Variants in PTPN9 observed in about 807,000 individuals in gnomAD.
PTPN9 encodes tyrosine-protein phosphatase non-receptor type 9.
Under a neutral mutation model 69.8 loss-of-function variants are expected in PTPN9, and 26 were observed. The ratio of observed to expected loss-of-function variants is 0.37; its 90% CI spans 0.27 to 0.52. PTPN9 has a LOEUF of 0.52. Among genes scored for constraint, PTPN9 ranks in the 20% least tolerant of loss-of-function variants. PTPN9 has a pLI of 0.91. For synonymous variants in PTPN9, 274 were observed against 272.5 expected, an observed-to-expected ratio of 1.01 and a Z score of -0.05; for missense variants, 549 against 740.3, an observed-to-expected ratio of 0.74 and a Z score of 3.00.
At chr15:75,515,295 G>A (rs970546032) in intron 5 of PTPN9, among the ~76,000 whole-genome samples, 3 of 151,974 alleles carry the variant, frequency 2.0e-5, no homozygotes, top group Non-Finnish European at 4.4e-5. Flanking sequence ...GGGCGTGGTG[G>A]TGGGCGCCGT....
chr15:75,492,120 G>A (rs1208181684), intron 7 of PTPN9, among the ~76,000 whole-genome samples: 2 of 152,046 alleles, frequency 1.3e-5, no homozygotes, highest in Non-Finnish European at 2.9e-5. Context: ...CAATCCTCCC[G>A]CCTCAGCCTC....
intron 1 of PTPN9, among the ~76,000 whole-genome samples, chr15:75,554,298 G>A (rs1331311234): frequency 1.1e-4 from 16 of 151,912 alleles, no homozygotes; most frequent in Admixed American, 3.3e-4. Flanking sequence ...GGGTTCAAGC[G>A]ATTCTTCTGT....
chr15:75,540,961 C>T (rs967061319), intron 1 of PTPN9, among the ~76,000 whole-genome samples: 1 of 151,698 alleles, frequency 6.6e-6, no homozygotes, highest in Non-Finnish European at 1.5e-5. Flanking sequence ...CACCTGTAGT[C>T]CCAGGTACTC....
chr15:75,527,328 C>G lies in PTPN9; in HGVS notation c.64-67G>C, dbSNP rs1165606397. 5 of 1,557,974 alleles carry G rather than the reference C, an allele frequency of 3.2e-6. No homozygotes were observed. The African/African-American group carries it at 5.4e-5, about 17-fold the overall frequency. On this transcript the variant is annotated intron_variant, in intron 1 of 12. Coordinates refer to ENST00000618819, the MANE Select transcript of PTPN9 (RefSeq NM_002833.4). ...CATATTTATGGAGTCAAAAAACAAA[C>G]AAGTGAAAACTATCATCCCTTCTCC... is the stretch of plus-strand genomic sequence containing the variant.
intron 1 of PTPN9, among the ~76,000 whole-genome samples, chr15:75,535,371 C>T (rs1333904754): frequency 2.6e-5 from 4 of 152,114 alleles, no homozygotes; most frequent in Non-Finnish European, 5.9e-5. Flanking sequence ...AAGCTGAGGC[C>T]AGAAGTATTT....
chr15:75,515,704 C>T (rs919405666), intron 5 of PTPN9, among the ~76,000 whole-genome samples: 4 of 151,946 alleles, frequency 2.6e-5, no homozygotes, highest in Non-Finnish European at 5.9e-5. Context: ...TTGAGACCAG[C>T]CTGGCCAACG....
chr15:75,500,696 G>A (rs2074768122), intron 7 of PTPN9, among the ~76,000 whole-genome samples: 1 of 151,946 alleles, frequency 6.6e-6, no homozygotes, highest in African/African-American at 2.4e-5. Flanking sequence ...TTCAAGACCA[G>A]CCTGGGCAAC....
rs1401389157 is a variant in PTPN9 at position 75,482,846 on chromosome 15, A to T, written c.1063-2932T>A. 9.5e-5 allele frequency among the ~76,000 whole-genome samples: 14 copies of T among 148,038 alleles called. No individual in the cohort carries two copies. The East Asian group carries it at 1.0e-3, about 11-fold the overall frequency. The stretch of plus-strand genomic sequence containing the variant: ...GGCAGGCGCCTGTAGTCCCAGCTAC[A>T]CGGGAGGCTGAGGCAGGAGAATGGC... On this transcript the variant is annotated intron_variant, in intron 8 of 12. Transcript: ENST00000618819.
intron 5 of PTPN9, among the ~76,000 whole-genome samples, chr15:75,514,203 G>GTTTTT: frequency 6.8e-6 from 1 of 147,942 alleles, no homozygotes. Context: ...TCTCAGGAAT[G>GTTTTT]ATTTCTTCCT....
chr15:75,507,082 G>A (rs1001080079), intron 6 of PTPN9, among the ~76,000 whole-genome samples: 1 of 152,136 alleles, frequency 6.6e-6, no homozygotes, highest in Non-Finnish European at 1.5e-5. Context: ...GTTTATACAT[G>A]CATGTATAAT....
intron 8 of PTPN9, among the ~76,000 whole-genome samples, chr15:75,489,515 G>A (rs1278298279): frequency 6.6e-6 from 1 of 152,124 alleles, no homozygotes; most frequent in Non-Finnish European, 1.5e-5. Flanking sequence ...CTTGAGCCCA[G>A]GAGGTCAAGG....
At chr15:75,492,119 C>T (rs527517552) in intron 7 of PTPN9, among the ~76,000 whole-genome samples, 2 of 152,250 alleles carry the variant, frequency 1.3e-5, no homozygotes, top group East Asian at 3.9e-4. Context: ...GCAATCCTCC[C>T]GCCTCAGCCT....
At chr15:75,496,754 A>C (rs1459057666) in intron 7 of PTPN9, among the ~76,000 whole-genome samples, 3 of 151,778 alleles carry the variant, frequency 2.0e-5, no homozygotes, top group African/African-American at 4.8e-5. Context: ...CGATCTACCC[A>C]CCTCAGCCTC....
intron 1 of PTPN9, among the ~76,000 whole-genome samples, chr15:75,568,524 A>C (rs2075135868): frequency 6.8e-6 from 1 of 146,094 alleles, no homozygotes; most frequent in African/African-American, 2.5e-5. Flanking sequence ...AAAAAAAAAA[A>C]CAAAACAAAA....
chr15:75,505,051 G>A (rs962107705), intron 7 of PTPN9, among the ~76,000 whole-genome samples: 2 of 152,202 alleles, frequency 1.3e-5, no homozygotes, highest in Non-Finnish European at 2.9e-5. Flanking sequence ...TTGAGAAATC[G>A]GATGGTTGCC....
intron 6 of PTPN9, among the ~76,000 whole-genome samples, chr15:75,506,915 T>C (rs970367407): frequency 6.6e-6 from 1 of 152,078 alleles, no homozygotes; most frequent in Non-Finnish European, 1.5e-5. Flanking sequence ...CCTGAGGCCA[T>C]ATGCTCCTCT....
At chr15:75,527,357 C>G (rs563040065) in intron 1 of PTPN9, 96 bp from the exon 2 acceptor site, 1 of 1,393,174 alleles carries the variant, frequency 7.2e-7, no homozygotes, top group Admixed American at 2.0e-5. Context: ...CTTCTCCAAG[C>G]AAGTCTGAAC....
chr15:75,505,779 G>C lies in PTPN9; in HGVS notation c.864C>G (p.Ile288Met). The C allele has an allele frequency of 6.2e-7, 1 of 1,614,082 alleles. No individual in the cohort carries two copies. Among genetic ancestry groups the C allele is most frequent in the African/African-American group, 1.3e-5 (1 of 75,034 alleles). The change falls in exon 7 of 13, where the codon ATC becomes ATG. Residue 288 changes from isoleucine to methionine, a missense_variant. Ile to Met is a conservative substitution (Grantham distance 10, BLOSUM62 1). Coordinates refer to ENST00000618819, the MANE Select transcript of PTPN9 (RefSeq NM_002833.4). Reference sequence around the variant, plus strand: ...CATTAACATAGTCCACCAACTCTTGGATGGTCATAGCATGGGGACCTGGAA... The same window carrying C: ...CATTAACATAGTCCACCAACTCTTGCATGGTCATAGCATGGGGACCTGGAA... ...VHVPGPHAMTIQELVDYVNAR... is the reference protein window; with the variant it reads ...VHVPGPHAMTMQELVDYVNAR...
intron 8 of PTPN9, among the ~76,000 whole-genome samples, chr15:75,485,382 G>A (rs1254769468): frequency 2.5e-5 from 2 of 80,474 alleles, no homozygotes; most frequent in African/African-American, 1.1e-4. Flanking sequence ...TTTTTTTTGA[G>A]ACGGAGTCTC....
Sources: gnomAD v4.1 joint callset for allele counts (sites outside exome capture counted in the v4.1 genomes callset) on GRCh38, gnomAD v4.1.1 for gene constraint, MANE v1.5 for transcripts, NCBI Gene and HGNC (gene_info 2026-07-23, HGNC 2026-07-21) for gene names.